The following FNTB variants were observed in gnomAD, a reference collection of about 807,000 sequenced individuals.
FNTB encodes the protein protein farnesyltransferase subunit beta.
Under a neutral mutation model 59.4 loss-of-function variants are expected in FNTB, and 27 were observed. That is an observed-to-expected ratio of 0.45 (90% CI 0.34 to 0.63). FNTB has a LOEUF of 0.63. Among genes scored for constraint, FNTB ranks in the 20% least tolerant of loss-of-function variants. The pLI is 0.02. For missense variants in FNTB, 449 were observed against 559.6 expected (o/e 0.80, Z 1.99); for synonymous variants, 230 against 220.7 (o/e 1.04, Z -0.37).
intron 9 of FNTB, among the ~76,000 whole-genome samples, chr14:65,051,402 G>C (rs2062605978): frequency 6.6e-6 from 1 of 152,210 alleles, no homozygotes; most frequent in South Asian, 2.1e-4. Context: ...CCTGAGGTCA[G>C]GAGTTAGAGA....
In FNTB at chr14:65,038,979, C is replaced by G. The variant is rs59450659; in HGVS notation, c.693-1811C>G. ...TATAATATTTTATCTAAAGATACAA[C>G]TTTAAAAAGTTTTCTTTTGCTCCCT... On this transcript the variant is annotated intron_variant, in intron 7 of 11. Transcript: ENST00000246166. Among the ~76,000 whole-genome samples, 1,581 of 152,310 alleles carry G rather than the reference C, an allele frequency of 0.01. 38 individuals carry two copies. The East Asian group carries it at 0.11, about 11-fold the overall frequency.
At chr14:65,040,604 CTTT>C (rs35890649) in intron 7 of FNTB, among the ~76,000 whole-genome samples, 183 bp from the exon 8 acceptor site, 2 of 117,318 alleles carry the variant, frequency 1.7e-5, no homozygotes, top group Non-Finnish European at 1.7e-5. Flanking sequence ...CCAGGCCCAG[CTTT>C]TTTTTTTTTT....
chr14:65,027,202 T>C lies in FNTB; in HGVS notation c.375-251T>C, dbSNP rs1218732924. Among the ~76,000 whole-genome samples the C allele has an allele frequency of 6.6e-6, 1 of 152,190 alleles. No homozygotes were observed. Among genetic ancestry groups the C allele is most frequent in the Non-Finnish European group, 1.5e-5 (1 of 68,044 alleles). ...TACGAAAGTCGGTTTCTTCCCAGCCTTGTGTTCCCTGCTTCATGACCAACA... is the reference window on the plus strand; with the variant it reads ...TACGAAAGTCGGTTTCTTCCCAGCCCTGTGTTCCCTGCTTCATGACCAACA... On this transcript the variant is annotated intron_variant, in intron 4 of 11. Coordinates refer to ENST00000246166, the MANE Select transcript of FNTB (RefSeq NM_002028.4). This position sits in a 1 kb window ranked among gnomAD's most constrained non-coding sequence, Gnocchi z 5.7.
In FNTB at chr14:65,022,674, T is replaced by TA. The variant is rs534936170; in HGVS notation, c.375-4766dup. On this transcript the variant is annotated intron_variant, in intron 4 of 11. Transcript: ENST00000246166. ...GAGCCACCACACCCAGCCAAATACT[T>TA]AAAAAAAAAAAAAGTAGTCATTTTT... is the stretch of plus-strand genomic sequence containing the variant. Among the ~76,000 whole-genome samples, 1,057 of 144,770 alleles carry TA rather than the reference T, an allele frequency of 7.3e-3. 18 individuals carry two copies. The highest frequency in any genetic ancestry group is 0.045 in the South Asian group (206 of 4,604). 95.0% of individuals were successfully genotyped at this position (144,770 alleles called of 152,430 possible). A position where few individuals can be genotyped will look rare whatever the true frequency, so the allele number is the denominator to read the frequency against.
intron 7 of FNTB, 85 bp from the exon 8 acceptor site, chr14:65,040,705 T>G: frequency 7.0e-7 from 1 of 1,423,996 alleles, no homozygotes; most frequent in Non-Finnish European, 9.3e-7. Context: ...CTGAGTGAAC[T>G]TTTTCTCTGC....
chr14:65,053,308 C>G lies in FNTB; in HGVS notation c.1026C>G (p.Cys342Trp). 1 of 1,454,264 alleles carries G rather than the reference C, an allele frequency of 6.9e-7. No individual in the cohort carries two copies. 90.1% of individuals were successfully genotyped at this position (1,454,264 alleles called of 1,614,324 possible). A position where few individuals can be genotyped will look rare whatever the true frequency, so the allele number is the denominator to read the frequency against. ...QQALQEYILM[C>W]CQCPAGGLLD... ...CCCTGCAGGAGTACATCCTGATGTGCTGCCAGTGCCCTGCGGGGGGGCTTC... is the reference window on the plus strand; with the variant it reads ...CCCTGCAGGAGTACATCCTGATGTGGTGCCAGTGCCCTGCGGGGGGGCTTC... The change falls in exon 10 of 12, where the codon TGC becomes TGG. Residue 342 changes from cysteine (C) to tryptophan (W), a missense_variant. Cys to Trp is a radical substitution (Grantham distance 215, BLOSUM62 -2). Around this residue, in one of 2 missense-constraint regions of FNTB, gnomAD observed 337 missense variants for 479.1 expected, o/e 0.70. Transcript: ENST00000246166.
rs1349515262 is a variant in FNTB, at chr14:65,009,195, G to A, written c.210-3122G>A. Among the ~76,000 whole-genome samples the A allele has an allele frequency of 1.3e-5, 2 of 152,070 alleles. No individual in the cohort carries two copies. The highest frequency in any genetic ancestry group is 2.9e-5 in the Non-Finnish European group (2 of 68,002). The stretch of plus-strand genomic sequence containing the variant: ...TAGTCAGCTTGGGCTGCCATAAGAC[G>A]GTATCACAGATGGGGTGCATTAAAC... On this transcript the variant is annotated intron_variant, in intron 2 of 11. Transcript: ENST00000246166. This position sits in a 1 kb window ranked among gnomAD's most constrained non-coding sequence, Gnocchi z 4.2.
intron 4 of FNTB, among the ~76,000 whole-genome samples, chr14:65,026,403 C>T (rs1246072109): frequency 6.6e-6 from 1 of 152,170 alleles, no homozygotes; most frequent in African/African-American, 2.4e-5. Flanking sequence ...GGAATGGGAG[C>T]CTGTTTGAAT....
chr14:64,988,004 A>G (rs1888020093), intron 1 of FNTB, among the ~76,000 whole-genome samples: 1 of 152,228 alleles, frequency 6.6e-6, no homozygotes, highest in Non-Finnish European at 1.5e-5. Flanking sequence ...TCTTAGTGAG[A>G]TCAGTCTCCA....
rs1014406867 is a variant in FNTB at position 65,001,894 on chromosome 14, T to A, written c.145-2355T>A. Among the ~76,000 whole-genome samples, 4 of 152,238 alleles carry A rather than the reference T, an allele frequency of 2.6e-5. No homozygotes were observed. Among genetic ancestry groups the A allele is most frequent in the Non-Finnish European group, 5.9e-5 (4 of 68,038 alleles). On this transcript the variant is annotated intron_variant, in intron 1 of 11. Transcript: ENST00000246166. This position sits in a 1 kb window ranked among gnomAD's most constrained non-coding sequence, Gnocchi z 5.5. The stretch of plus-strand genomic sequence containing the variant: ...GGTGACGTCAGTCTGTTTTTTGAAG[T>A]ATTATAACCTTTTAAACAGATCATC...
chr14:64,993,701 T>C (rs879683573), intron 1 of FNTB, among the ~76,000 whole-genome samples: 1 of 152,136 alleles, frequency 6.6e-6, no homozygotes, highest in Non-Finnish European at 1.5e-5. Context: ...AGAGAAGTGA[T>C]AGTGCCTGGT....
At position 65,054,712 on chromosome 14, in the gene FNTB, C is replaced by T; in HGVS notation, c.1182+23C>T. On this transcript the variant is annotated intron_variant, in intron 11 of 11. Transcript: ENST00000246166. The surrounding 1 kb of genome is among the most constrained non-coding windows in gnomAD (Gnocchi z 4.4). ...CTGGTAAGACGGGTGCAGGGCTTCA[C>T]ACCCCTTCTCCACAGGGACCTCGCG... 2 of 1,587,596 alleles carry T rather than the reference C, an allele frequency of 1.3e-6. No homozygotes were observed. Among genetic ancestry groups the T allele is most frequent in the East Asian group, 4.6e-5 (2 of 43,086 alleles).
chr14:65,004,326 T>C lies in FNTB; in HGVS notation c.209+13T>C. ...ACCTTGTACCAAGGTAAGCTGTGGT[T>C]AGGAGTTTGAGGGGATCTGGGAGAA... On this transcript the variant is annotated intron_variant, in intron 2 of 11. Coordinates refer to ENST00000246166, the MANE Select transcript of FNTB (RefSeq NM_002028.4). 1 of 1,612,058 alleles carries C rather than the reference T, an allele frequency of 6.2e-7. No individual in the cohort carries two copies.
At chr14:65,042,727 G>T (rs1451381356) in intron 8 of FNTB, among the ~76,000 whole-genome samples, 1 of 152,196 alleles carries the variant, frequency 6.6e-6, no homozygotes, top group Non-Finnish European at 1.5e-5. Context: ...AAATCCATGG[G>T]CTTAGGCACT....
Position 65,055,535 on chromosome 14 carries a change from GAGACAA to G in FNTB, c.1182+849_1182+854del, listed in dbSNP as rs2062715721. On this transcript the variant is annotated intron_variant, in intron 11 of 11. Coordinates refer to ENST00000246166, the MANE Select transcript of FNTB (RefSeq NM_002028.4). ...TTTTTAATTTTTAATTTTTTTTTGT[GAGACAA>G]AGTCTCACTCTGTCACCCAGGCTGG... is the stretch of plus-strand genomic sequence containing the variant. 2.0e-5 allele frequency among the ~76,000 whole-genome samples: 3 copies of G among 149,314 alleles called. No individual in the cohort carries two copies. The South Asian group carries it at 6.4e-4, about 32-fold the overall frequency.
intron 10 of FNTB, among the ~76,000 whole-genome samples, chr14:65,053,977 C>G (rs941564238): frequency 6.6e-6 from 1 of 152,062 alleles, no homozygotes; most frequent in African/African-American, 2.4e-5. Flanking sequence ...CCTGGAGAGC[C>G]CTTTCCAGAA....
At chr14:65,025,752 G>C (rs2061968473) in intron 4 of FNTB, among the ~76,000 whole-genome samples, 1 of 152,170 alleles carries the variant, frequency 6.6e-6, no homozygotes, top group African/African-American at 2.4e-5. Flanking sequence ...GGAGGTTGAG[G>C]CTGCAGTGAG....
Position 64,991,473 on chromosome 14 carries a change from G to A in FNTB, c.144+4376G>A, listed in dbSNP as rs941301713. ...ACAAAAATTAGCTAGGCGTGGTGGT[G>A]TGCACCTGTAATACCAGCTACTCAG... On this transcript the variant is annotated intron_variant, in intron 1 of 11. Transcript: ENST00000246166. This position sits in a 1 kb window ranked among gnomAD's most constrained non-coding sequence, Gnocchi z 4.4. 1.3e-5 allele frequency among the ~76,000 whole-genome samples: 2 copies of A among 152,084 alleles called. No individual in the cohort carries two copies. Among genetic ancestry groups the A allele is most frequent in the Non-Finnish European group, 2.9e-5 (2 of 68,018 alleles).
At chr14:65,039,271 A>G (rs1440042831) in intron 7 of FNTB, among the ~76,000 whole-genome samples, 4 of 152,200 alleles carry the variant, frequency 2.6e-5, no homozygotes, top group Non-Finnish European at 5.9e-5. Flanking sequence ...TGAAACTGGC[A>G]GCCTTGTGTG....
Sources: allele counts gnomAD v4.1 joint callset (sites outside exome capture counted in the v4.1 genomes callset), GRCh38; gene constraint gnomAD v4.1.1; regional missense constraint gnomAD v4.1.1; non-coding constraint Gnocchi (gnomAD v3.1); transcripts MANE v1.5; gene names NCBI Gene and HGNC (gene_info 2026-07-23, HGNC 2026-07-21).